Variants in CPLANE1 observed in about 807,000 individuals in gnomAD.
The protein encoded by CPLANE1 is ciliogenesis and planar polarity effector complex subunit 1, also known as ciliogenesis and planar polarity effector 1.
A neutral mutation model predicts 362.5 loss-of-function variants in CPLANE1; 263 were observed. That is an observed-to-expected ratio of 0.73 (90% CI 0.66 to 0.80). CPLANE1 has a LOEUF of 0.80. CPLANE1 is among the 30% of genes least tolerant of loss of function. The pLI is 0.00. For missense variants in CPLANE1, 3,461 were observed against 3,793.4 expected (o/e 0.91, Z 2.30); for synonymous variants, 1,212 against 1,302.6 (o/e 0.93, Z 1.50).
rs1451574917 is a variant in CPLANE1 at position 37,213,643 on chromosome 5, T to C, written c.2836A>G (p.Met946Val). ...VRVVQSMARF[M>V]AAYFTNQQLC... is the part of the protein sequence containing the mutation. ...TGCTGATTGGTGAAATAGGCAGCCA[T>C]GAAACGAGCCATGGACTGGACGACT... Residue 946 changes from methionine to valine, a missense_variant, in exon 16 of 53, where the codon ATG becomes GTG. Met to Val is a conservative substitution (Grantham distance 21, BLOSUM62 1). Transcript: ENST00000651892. The C allele has an allele frequency of 1.9e-6, 3 of 1,547,144 alleles. No homozygotes were observed. The highest frequency in any genetic ancestry group is 2.7e-5 in the African/African-American group (2 of 72,940).
intron 26 of CPLANE1, among the ~76,000 whole-genome samples, chr5:37,182,384 G>A (rs1039042129): frequency 2.0e-5 from 3 of 152,180 alleles, no homozygotes; most frequent in East Asian, 1.9e-4. Flanking sequence ...ATCCCCTAAC[G>A]GACTTGATGA....
At position 37,183,273 on chromosome 5, in the gene CPLANE1, A is replaced by C; in HGVS notation, c.4908T>G (p.Asp1636Glu). 1.2e-6 allele frequency: 2 copies of C among 1,613,504 alleles called. No homozygotes were observed. The highest frequency in any genetic ancestry group is 1.7e-6 in the Non-Finnish European group (2 of 1,179,868). ...GGTTTTCTAAATGCATGCCATATTC[A>C]TCATTTAAAGAGGATGATTTTTCTG... ...YESEKSSSLN[D>E]EYGMHLENQK... The change falls in exon 26 of 53, where the codon GAT becomes GAG. Residue 1636 changes from aspartate to glutamate, a missense_variant. This residue lies in a region of CPLANE1 where 3,380 missense variants were observed against 3,666.1 expected (regional missense o/e 0.92). Transcript: ENST00000651892.
In CPLANE1 at chr5:37,177,711, G is replaced by A. The variant is rs1781564413; in HGVS notation, c.5821-11C>T. ...CTCTTCTGTGAACTCCTGTTAAAATGAATAGTACCCAAAAAGAAAACAGGT... is the reference window on the plus strand; with the variant it reads ...CTCTTCTGTGAACTCCTGTTAAAATAAATAGTACCCAAAAAGAAAACAGGT... On this transcript the variant is annotated splice_polypyrimidine_tract_variant and intron_variant, in intron 29 of 52. Transcript: ENST00000651892. 1.2e-6 allele frequency: 2 copies of A among 1,603,614 alleles called. No homozygotes were observed. The highest frequency in any genetic ancestry group is 1.7e-6 in the Non-Finnish European group (2 of 1,171,754).
intron 26 of CPLANE1, among the ~76,000 whole-genome samples, chr5:37,181,509 G>T (rs986313029): frequency 1.3e-5 from 2 of 151,776 alleles, no homozygotes; most frequent in South Asian, 4.1e-4. Flanking sequence ...TATGATAACA[G>T]AAACCAATCT....
chr5:37,226,924 A>C lies in CPLANE1; in HGVS notation c.1671T>G (p.Asp557Glu). 6.4e-7 allele frequency: 1 copy of C among 1,551,970 alleles called. No homozygotes were observed. The highest frequency in any genetic ancestry group is 8.7e-7 in the Non-Finnish European group (1 of 1,147,020). Residue 557 changes from aspartate to glutamate, a missense_variant, in exon 12 of 53, where the codon GAT (aspartate) becomes GAG (glutamate). By Grantham distance (45) the Asp-to-Glu change is conservative. Around this residue, in one of 2 missense-constraint regions of CPLANE1, gnomAD observed 3,380 missense variants for 3,666.1 expected, o/e 0.92. Transcript: ENST00000651892. ...ASMFDTIHAKDDSEETDRTIT... is the reference protein window; with the variant it reads ...ASMFDTIHAKEDSEETDRTIT... Reference sequence around the variant, plus strand: ...TGGTTCTATCTGTCTCCTCACTATCATCCTTTGCATGTATCGTATCAAACA... The same window carrying C: ...TGGTTCTATCTGTCTCCTCACTATCCTCCTTTGCATGTATCGTATCAAACA...
At chr5:37,194,708 G>C (rs1434991521) in intron 21 of CPLANE1, among the ~76,000 whole-genome samples, 1 of 151,048 alleles carries the variant, frequency 6.6e-6, no homozygotes, top group Non-Finnish European at 1.5e-5. Context: ...GCCCAGGCTG[G>C]AGTGCGGTGG....
In CPLANE1 at chr5:37,224,676, T is replaced by C; in HGVS notation, c.2356A>G (p.Arg786Gly). Residue 786 changes from arginine (R) to glycine (G), a missense_variant, in exon 13 of 53, where the codon AGA (arginine) becomes GGA (glycine). Physicochemically the swap from Arg to Gly is moderately radical, Grantham distance 125. Coordinates refer to ENST00000651892, the MANE Select transcript of CPLANE1 (RefSeq NM_001384732.1). ...TLWYQAQLNRRVPEADSQLTE... is the reference protein window; with the variant it reads ...TLWYQAQLNRGVPEADSQLTE... ...AACTGACTATCAGCTTCAGGAACTC[T>C]TCGATTTAATTGTGCTTGATACCAT... The C allele has an allele frequency of 6.4e-7, 1 of 1,551,624 alleles. No homozygotes were observed.
the CPLANE1 span, among the ~76,000 whole-genome samples, chr5:37,084,074 C>G: frequency 6.6e-6 from 1 of 152,194 alleles, no homozygotes; most frequent in Non-Finnish European, 1.5e-5. Flanking sequence ...AGATTAACAG[C>G]AGATTTCTCA....
intron 50 of CPLANE1, among the ~76,000 whole-genome samples, chr5:37,115,405 C>T (rs921230096): frequency 6.6e-6 from 1 of 152,006 alleles, no homozygotes; most frequent in Non-Finnish European, 1.5e-5. Flanking sequence ...TTTTATCAAC[C>T]GAATGATTAG....
rs566025425 is a variant in CPLANE1, at chr5:37,249,358, G to T, written c.-161C>A. On this transcript the variant is annotated 5_prime_UTR_variant, in exon 1 of 53. Coordinates refer to ENST00000651892, the MANE Select transcript of CPLANE1 (RefSeq NM_001384732.1). ...CGGGCCCTACCGCCAGCCCTGACGCGAGCCTGCGTCCTGGCGACGGCGGAG... is the reference window on the plus strand; with the variant it reads ...CGGGCCCTACCGCCAGCCCTGACGCTAGCCTGCGTCCTGGCGACGGCGGAG... 6.6e-6 allele frequency: 1 copy of T among 152,336 alleles called. No individual in the cohort carries two copies. Among genetic ancestry groups the T allele is most frequent in the South Asian group, 2.1e-4 (1 of 4,838 alleles). The allele number at this position is 152,336 out of a possible 1,614,324, so 9.4% of individuals were successfully genotyped here.
the CPLANE1 span, chr5:37,085,919 G>T: frequency 1.3e-4 from 67 of 522,724 alleles, no homozygotes; most frequent in East Asian, 2.1e-4. Flanking sequence ...GAATTAATAG[G>T]AAAAAAAAAA....
chr5:37,229,216 CAAAA>C (rs35861833), intron 9 of CPLANE1, among the ~76,000 whole-genome samples: 1 of 90,840 alleles, frequency 1.1e-5, no homozygotes, highest in Admixed American at 1.2e-4. Flanking sequence ...GACTCGGTCT[CAAAA>C]AAAAAAAAAA....
At chr5:37,171,745 A>ACT (rs56407367) in intron 32 of CPLANE1, among the ~76,000 whole-genome samples, 6,198 of 128,160 alleles carry the variant, frequency 0.048, 109 homozygotes, top group East Asian at 0.065. Context: ...TCTCTAGCTT[A>ACT]CTCTCTCTCT....
At chr5:37,093,412 A>G in the CPLANE1 span, among the ~76,000 whole-genome samples, 2 of 152,308 alleles carry the variant, frequency 1.3e-5, no homozygotes, top group Middle Eastern at 3.4e-3. Context: ...CAATCAATGC[A>G]TAGTTGGGAT....
intron 51 of CPLANE1, among the ~76,000 whole-genome samples, chr5:37,113,331 C>T (rs1295206815): frequency 6.6e-6 from 1 of 152,228 alleles, no homozygotes; most frequent in African/African-American, 2.4e-5. Flanking sequence ...CCCCTGAATA[C>T]ACTCTTTTGC....
intron 8 of CPLANE1, among the ~76,000 whole-genome samples, chr5:37,233,592 C>G (rs368930477): frequency 1.7e-3 from 252 of 152,122 alleles, no homozygotes; most frequent in African/African-American, 5.9e-3. Flanking sequence ...CTAGTCCCCC[C>G]AAACCATCAC....
intron 14 of CPLANE1, among the ~76,000 whole-genome samples, chr5:37,223,124 C>T (rs911124814): frequency 4.6e-5 from 7 of 152,326 alleles, no homozygotes; most frequent in African/African-American, 1.4e-4. Flanking sequence ...ATCACATATA[C>T]ATATATCACA....
intron 17 of CPLANE1, among the ~76,000 whole-genome samples, chr5:37,205,679 C>T (rs757046161): frequency 6.6e-6 from 1 of 152,162 alleles, no homozygotes; most frequent in Non-Finnish European, 1.5e-5. Flanking sequence ...CTACCCTAAA[C>T]ACGGGCTTTA....
In CPLANE1 at chr5:37,213,739, A is replaced by G; in HGVS notation, c.2747-7T>C. ...AAATGAGACTTTGCAGCACCTAAGG[A>G]ATACAGCAATGACCTAAGAAGATTG... On this transcript the variant is annotated splice_polypyrimidine_tract_variant and splice_region_variant and intron_variant, in intron 15 of 52. Transcript: ENST00000651892. 2 of 1,479,504 alleles carry G rather than the reference A, an allele frequency of 1.4e-6. No homozygotes were observed. Among genetic ancestry groups the G allele is most frequent in the Non-Finnish European group, 1.8e-6 (2 of 1,104,412 alleles). The allele number at this position is 1,479,504 out of a possible 1,614,324, so 91.6% of individuals were successfully genotyped here.
Sources: allele counts gnomAD v4.1 joint callset (sites outside exome capture counted in the v4.1 genomes callset), GRCh38; gene constraint gnomAD v4.1.1; regional missense constraint gnomAD v4.1.1; transcripts MANE v1.5; gene names NCBI Gene and HGNC (gene_info 2026-07-23, HGNC 2026-07-21).